TSPAN9: variants seen among roughly 807,000 people sequenced by gnomAD.
TSPAN9 encodes the protein tetraspanin 9.
A neutral mutation model predicts 31.0 loss-of-function variants in TSPAN9; 16 were observed. The observed-to-expected ratio is 0.52, with a 90% CI of 0.35 to 0.78. The LOEUF (loss-of-function observed/expected upper bound fraction) is 0.78, where lower values mean the gene tolerates loss of function less well. Among genes scored for constraint, TSPAN9 ranks in the 30% least tolerant of loss-of-function variants. The probability of loss-of-function intolerance (pLI) is 0.01; values close to 1 mark genes in which losing one functional copy is unlikely to be tolerated. For missense variants in TSPAN9, 272 were observed against 312.5 expected (o/e 0.87, Z 0.98); for synonymous variants, 145 against 121.6 (o/e 1.19, Z -1.27).
At chr12:3,087,453 G>C (rs910774728) in intron 2 of TSPAN9, among the ~76,000 whole-genome samples, 4 of 152,138 alleles carry the variant, frequency 2.6e-5, no homozygotes, top group African/African-American at 9.7e-5. Context: ...AGTTGAGGCT[G>C]TAGTGAGCCA....
intron 2 of TSPAN9, among the ~76,000 whole-genome samples, chr12:3,104,480 G>T (rs1208302512): frequency 6.6e-6 from 1 of 152,036 alleles, no homozygotes; most frequent in African/African-American, 2.4e-5. Context: ...AGCCTCCTGA[G>T]TAGCTGGGAC....
intron 3 of TSPAN9, among the ~76,000 whole-genome samples, chr12:3,208,333 C>A (rs2098376399): frequency 6.6e-6 from 1 of 152,156 alleles, no homozygotes; most frequent in South Asian, 2.1e-4. Flanking sequence ...AGGGGGGTTT[C>A]TTGGAATGAG....
intron 2 of TSPAN9, among the ~76,000 whole-genome samples, chr12:3,150,340 G>C (rs2098339173): frequency 6.6e-6 from 1 of 152,180 alleles, no homozygotes; most frequent in South Asian, 2.1e-4. Flanking sequence ...CAGTGAGTTA[G>C]TATTTTGTTG....
intron 2 of TSPAN9, among the ~76,000 whole-genome samples, chr12:3,139,838 G>A (rs581677): frequency 0.15 from 22,556 of 152,194 alleles, 1,894 homozygotes; most frequent in South Asian, 0.2. Context: ...AGGAGCCACC[G>A]TGCCTGGCCT....
intron 1 of TSPAN9, among the ~76,000 whole-genome samples, chr12:3,080,336 TTTG>T (rs996772754): frequency 3.3e-5 from 5 of 152,106 alleles, no homozygotes; most frequent in East Asian, 1.9e-4. Context: ...AAATCTTTTT[TTTG>T]TTGTTGTTGT....
At chr12:3,257,512 A>G (rs910593601) in intron 3 of TSPAN9, among the ~76,000 whole-genome samples, 2 of 152,078 alleles carry the variant, frequency 1.3e-5, no homozygotes, top group African/African-American at 4.8e-5. Flanking sequence ...GCAGCATCCA[A>G]GAACAACAGT....
chr12:3,184,350 A>G (rs1194332829), intron 2 of TSPAN9, among the ~76,000 whole-genome samples: 1 of 152,084 alleles, frequency 6.6e-6, no homozygotes, highest in African/African-American at 2.4e-5. Flanking sequence ...GTGAGCTGAG[A>G]TTGTGCCACT....
At chr12:3,119,621 C>T (rs964427707) in intron 2 of TSPAN9, among the ~76,000 whole-genome samples, 1 of 152,192 alleles carries the variant, frequency 6.6e-6, no homozygotes, top group African/African-American at 2.4e-5. Flanking sequence ...CACTGGAGGG[C>T]CTCTCTGCTG....
At chr12:3,169,230 G>A (rs1338253620) in intron 2 of TSPAN9, among the ~76,000 whole-genome samples, 1 of 152,206 alleles carries the variant, frequency 6.6e-6, no homozygotes, top group Non-Finnish European at 1.5e-5. Flanking sequence ...CTCTGTTTCG[G>A]GTGGGTGTGG....
At chr12:3,162,704 C>T (rs762938083) in intron 2 of TSPAN9, among the ~76,000 whole-genome samples, 17 of 152,164 alleles carry the variant, frequency 1.1e-4, no homozygotes, top group Non-Finnish European at 2.1e-4. Context: ...TTTTCTTTCC[C>T]CTCAGCTCTT....
intron 2 of TSPAN9, among the ~76,000 whole-genome samples, chr12:3,099,174 T>TCCTGTTTGATACAGGACTGTTTGATACAG (rs1409701432): frequency 1.3e-5 from 2 of 150,800 alleles, no homozygotes; most frequent in Admixed American, 6.6e-5. Flanking sequence ...TATGGATATT[T>TCCTGTTTGATACAGGACTGTTTGATACAG]GACTGTTTGA....
intron 2 of TSPAN9, among the ~76,000 whole-genome samples, chr12:3,197,326 G>T (rs528259216): frequency 1.3e-5 from 2 of 152,232 alleles, no homozygotes; most frequent in Non-Finnish European, 2.9e-5. Context: ...AGGCTGCAGA[G>T]GACAAAAGGC....
intron 2 of TSPAN9, among the ~76,000 whole-genome samples, chr12:3,094,528 T>G (rs2098306765): frequency 7.0e-6 from 1 of 142,380 alleles, no homozygotes. Context: ...ATCTTGTTGT[T>G]GTTGTTGTTG....
At chr12:3,145,264 A>G (rs1952151649) in intron 2 of TSPAN9, among the ~76,000 whole-genome samples, 1 of 152,204 alleles carries the variant, frequency 6.6e-6, no homozygotes, top group African/African-American at 2.4e-5. Context: ...TCTCAGTGCC[A>G]GCTCAAGGCT....
intron 3 of TSPAN9, among the ~76,000 whole-genome samples, chr12:3,240,024 CT>C (rs67405270): frequency 1.3e-5 from 2 of 149,194 alleles, no homozygotes; most frequent in African/African-American, 2.5e-5. Flanking sequence ...CTATTACTCC[CT>C]TTTTTTTTCC....
At chr12:3,110,625 G>A (rs2098318071) in intron 2 of TSPAN9, among the ~76,000 whole-genome samples, 1 of 152,194 alleles carries the variant, frequency 6.6e-6, no homozygotes, top group Admixed American at 6.5e-5. Context: ...GCCTAGAGCT[G>A]TGCTGGTTAC....
intron 2 of TSPAN9, among the ~76,000 whole-genome samples, chr12:3,117,884 A>G (rs1347179952): frequency 6.6e-6 from 1 of 152,118 alleles, no homozygotes; most frequent in Non-Finnish European, 1.5e-5. Context: ...CTTGGGAGGC[A>G]GTGGCTGCTG....
chr12:3,198,070 C>T (rs111170719), intron 2 of TSPAN9, among the ~76,000 whole-genome samples: 1 of 85,914 alleles, frequency 1.2e-5, no homozygotes, highest in Non-Finnish European at 2.5e-5. Flanking sequence ...CAGGCCACCA[C>T]CAGCACAGGT....
At chr12:3,239,883 A>G (rs1054299912) in intron 3 of TSPAN9, among the ~76,000 whole-genome samples, 1 of 152,058 alleles carries the variant, frequency 6.6e-6, no homozygotes, top group African/African-American at 2.4e-5. Context: ...TTGAAAGGGA[A>G]TAAAGCCAAA....
Sources: gnomAD v4.1 joint callset for allele counts (sites outside exome capture counted in the v4.1 genomes callset) on GRCh38, gnomAD v4.1.1 for gene constraint, MANE v1.5 for transcripts, NCBI Gene and HGNC (gene_info 2026-07-23, HGNC 2026-07-21) for gene names.